NRF1: variants seen among roughly 807,000 people sequenced by gnomAD.
NRF1 encodes the protein nuclear respiratory factor 1.
A neutral mutation model predicts 58.5 loss-of-function variants in NRF1; 5 were observed. That is an observed-to-expected ratio of 0.09 (90% CI 0.04 to 0.18). NRF1 has a LOEUF of 0.18. Ranked by LOEUF, NRF1 falls within the 10% of genes least tolerant of loss-of-function variation. The probability of loss-of-function intolerance (pLI) is 1.00; values close to 1 mark genes in which losing one functional copy is unlikely to be tolerated. For synonymous variants in NRF1, 224 were observed against 246.7 expected (o/e 0.91, Z 0.86); for missense variants, 288 against 657.7 (o/e 0.44, Z 6.15).
chr7:129,690,318 G>A (rs55996206), intron 4 of NRF1, 88 bp from the exon 5 acceptor site: 2 of 1,423,828 alleles, frequency 1.4e-6, no homozygotes, highest in Non-Finnish European at 1.9e-6. Flanking sequence ...GCTCAGGAAG[G>A]CCAGCCCCAC....
At chr7:129,622,416 T>A (rs1800819543) in intron 1 of NRF1, among the ~76,000 whole-genome samples, 1 of 152,088 alleles carries the variant, frequency 6.6e-6, no homozygotes. Context: ...CGATTCTAAG[T>A]CTGTGTTACA....
chr7:129,678,558 AT>A (rs1584633225), intron 4 of NRF1, among the ~76,000 whole-genome samples: 1 of 152,078 alleles, frequency 6.6e-6, no homozygotes, highest in Non-Finnish European at 1.5e-5. Flanking sequence ...ATTTCTTAAC[AT>A]TTTTGAGTTC....
chr7:129,719,538 A>ACACACACACG (rs1397790087), intron 9 of NRF1, among the ~76,000 whole-genome samples: 1 of 125,534 alleles, frequency 8.0e-6, no homozygotes, highest in Non-Finnish European at 1.7e-5. Context: ...ACACACACAC[A>ACACACACACG]CACACAACAC....
intron 5 of NRF1, among the ~76,000 whole-genome samples, chr7:129,695,331 C>A (rs1054706188): frequency 6.6e-6 from 1 of 152,106 alleles, no homozygotes; most frequent in Non-Finnish European, 1.5e-5. Flanking sequence ...AATCACAGCA[C>A]TTTGAGAGGC....
chr7:129,678,302 C>T (rs1802229739), intron 4 of NRF1, among the ~76,000 whole-genome samples: 2 of 152,138 alleles, frequency 1.3e-5, no homozygotes, highest in South Asian at 4.2e-4. Flanking sequence ...CATACTTATA[C>T]AATAGGAACT....
At chr7:129,628,522 A>G (rs950997581) in intron 1 of NRF1, among the ~76,000 whole-genome samples, 1 of 152,218 alleles carries the variant, frequency 6.6e-6, no homozygotes, top group African/African-American at 2.4e-5. Context: ...TTTTCAAAAC[A>G]GAACACTTTA....
chr7:129,744,625 A>C (rs943076034), intron 10 of NRF1, among the ~76,000 whole-genome samples: 2 of 152,186 alleles, frequency 1.3e-5, no homozygotes, highest in African/African-American at 4.8e-5. Flanking sequence ...TAGGAAAAGC[A>C]GGAGAAAAAC....
chr7:129,645,715 A>G (rs1404736568), intron 1 of NRF1, among the ~76,000 whole-genome samples: 2 of 152,224 alleles, frequency 1.3e-5, no homozygotes, highest in Non-Finnish European at 2.9e-5. Context: ...TGAGGTTTGC[A>G]GGAATGTTAG....
intron 10 of NRF1, among the ~76,000 whole-genome samples, chr7:129,751,411 AATAG>A (rs1279649013): frequency 6.6e-6 from 1 of 152,128 alleles, no homozygotes; most frequent in Non-Finnish European, 1.5e-5. Context: ...AGTATCAGCC[AATAG>A]ATAGATTTTT....
chr7:129,628,269 C>T (rs1270246758), intron 1 of NRF1, among the ~76,000 whole-genome samples: 3 of 151,112 alleles, frequency 2.0e-5, no homozygotes, highest in Non-Finnish European at 4.4e-5. Context: ...TGGTCTCAAT[C>T]TCCTGACCTC....
In NRF1 at chr7:129,629,342, A is replaced by G. The variant is rs4728173; in HGVS notation, c.-7+17518A>G. 7.9e-3 allele frequency among the ~76,000 whole-genome samples: 1,187 copies of G among 149,450 alleles called. 8 individuals carry two copies. Among genetic ancestry groups the G allele is most frequent in the Middle Eastern group, 0.014 (4 of 294 alleles). ...CACCCAGGCTGGAGTACAGTGGCGC[A>G]GTCTCAGCTCACTGCAACCTCCGCC... On this transcript the variant is annotated intron_variant, in intron 1 of 10. Transcript: ENST00000393232.
intron 2 of NRF1, among the ~76,000 whole-genome samples, chr7:129,665,459 T>A (rs142725807): frequency 6.6e-6 from 1 of 152,328 alleles, no homozygotes; most frequent in African/African-American, 2.4e-5. Context: ...TCAGAAACAC[T>A]TCTAATTCTC....
At chr7:129,719,497 A>AACACACACACACACACACACAC (rs67443980) in intron 9 of NRF1, among the ~76,000 whole-genome samples, 86 of 142,000 alleles carry the variant, frequency 6.1e-4, no homozygotes, top group Non-Finnish European at 6.3e-4. Flanking sequence ...AGGAAACTGA[A>AACACACACACACACACACACAC]ACACACACAC....
intron 4 of NRF1, among the ~76,000 whole-genome samples, chr7:129,683,322 A>T (rs202154588): frequency 0.086 from 6,024 of 70,182 alleles, 126 homozygotes; most frequent in African/African-American, 0.14. Flanking sequence ...TGTGTGTGTG[A>T]GAGAGAGAGA....
At position 129,619,400 on chromosome 7, in the gene NRF1, A is replaced by G. The variant is rs1195211688; in HGVS notation, c.-7+7576A>G. On this transcript the variant is annotated intron_variant, in intron 1 of 10. Transcript: ENST00000393232. The stretch of plus-strand genomic sequence containing the variant: ...AAAACTGGACTTGGCATACGTGTAT[A>G]TATATATATATATATATATATATAT... 1.3e-3 allele frequency among the ~76,000 whole-genome samples: 38 copies of G among 29,770 alleles called. 1 individual carries two copies. The South Asian group carries it at 0.028, about 22-fold the overall frequency. The allele number at this position is 29,770 out of a possible 152,430, so 19.5% of individuals were successfully genotyped here.
intron 1 of NRF1, among the ~76,000 whole-genome samples, chr7:129,639,144 C>T (rs1052918114): frequency 3.3e-5 from 5 of 152,106 alleles, no homozygotes; most frequent in African/African-American, 7.2e-5. Context: ...ACTGCAGCCT[C>T]GACCTCCATG....
rs1382268373 is a variant in NRF1, at chr7:129,698,423, C to A, written c.606+7877C>A. Among the ~76,000 whole-genome samples, 3 of 151,332 alleles carry A rather than the reference C, an allele frequency of 2.0e-5. No individual in the cohort carries two copies. In the East Asian group the frequency reaches 5.8e-4, roughly 29 times the overall value. ...AAATGAAAATTTGGATTTCTAGGCACCTTTAAGAATAGTGGCTGGAACTTA... is the reference window on the plus strand; with the variant it reads ...AAATGAAAATTTGGATTTCTAGGCAACTTTAAGAATAGTGGCTGGAACTTA... On this transcript the variant is annotated intron_variant, in intron 5 of 10. Transcript: ENST00000393232.
intron 10 of NRF1, among the ~76,000 whole-genome samples, chr7:129,730,109 G>T (rs370397741): frequency 6.6e-6 from 1 of 152,220 alleles, no homozygotes; most frequent in Admixed American, 6.5e-5. Flanking sequence ...ACAGGCGTAA[G>T]CCACTGTGCC....
At chr7:129,657,956 A>G (rs567344502) in intron 2 of NRF1, among the ~76,000 whole-genome samples, 2 of 152,242 alleles carry the variant, frequency 1.3e-5, no homozygotes, top group African/African-American at 4.8e-5. Flanking sequence ...TTGAGCCTGT[A>G]TTATACTGAG....
Sources: allele counts gnomAD v4.1 joint callset (sites outside exome capture counted in the v4.1 genomes callset), GRCh38; gene constraint gnomAD v4.1.1; transcripts MANE v1.5; gene names NCBI Gene and HGNC (gene_info 2026-07-23, HGNC 2026-07-21).